The following PRKRIP1 variants were observed in gnomAD, a reference collection of about 807,000 sequenced individuals.
The protein encoded by PRKRIP1 is PRKR-interacting protein 1.
PRKRIP1 carries 29 observed loss-of-function variants against 29.3 expected under a neutral mutation model. That is an observed-to-expected ratio of 0.99 (90% CI 0.74 to 1.35). The LOEUF (loss-of-function observed/expected upper bound fraction) is 1.35, where lower values mean the gene tolerates loss of function less well. Among genes scored for constraint, PRKRIP1 ranks in the 40% most tolerant of loss-of-function variants. The probability of loss-of-function intolerance (pLI) is 0.00; values close to 1 mark genes in which losing one functional copy is unlikely to be tolerated. For missense variants in PRKRIP1, 247 were observed against 236.8 expected, an observed-to-expected ratio of 1.04 and a Z score of -0.28; for synonymous variants, 90 against 85.1, an observed-to-expected ratio of 1.06 and a Z score of -0.32.
At chr7:102,423,905 ATCC>A (rs1225234140) in intron 5 of PRKRIP1, among the ~76,000 whole-genome samples, 14 of 152,080 alleles carry the variant, frequency 9.2e-5, no homozygotes, top group Non-Finnish European at 1.6e-4. Flanking sequence ...CAAGTGATCC[ATCC>A]TCCTCAGCCT....
At chr7:102,404,406 G>A (rs921224944) in intron 3 of PRKRIP1, 192 bp from the exon 4 acceptor site, 1 of 576,042 alleles carries the variant, frequency 1.7e-6, no homozygotes, top group Non-Finnish European at 3.1e-6. Flanking sequence ...TTCGCCATCG[G>A]AGACCTATGT....
intron 5 of PRKRIP1, among the ~76,000 whole-genome samples, chr7:102,411,264 A>G (rs1169140564): frequency 1.3e-5 from 2 of 151,946 alleles, no homozygotes; most frequent in African/African-American, 4.8e-5. Context: ...AGGTTTCACT[A>G]TGTTTTGAAC....
chr7:102,409,713 A>T (rs1218406425), intron 5 of PRKRIP1, among the ~76,000 whole-genome samples: 1 of 151,980 alleles, frequency 6.6e-6, no homozygotes, highest in East Asian at 1.9e-4. Context: ...CGTCCTATCT[A>T]GTCTGGAGGC....
rs1796011254 is a variant in PRKRIP1 at position 102,399,626 on chromosome 7, A to G, written c.284A>G (p.Tyr95Cys). ...CGGAGAGAATATCAGCGACAGGACT[A>G]CATGGATGCCATGGCTGAGAAGGTC... ...LRRREYQRQD[Y>C]MDAMAEKQKL... The change falls in exon 3 of 6, where the codon TAC becomes TGC. Residue 95 changes from tyrosine (Y) to cysteine (C), a missense_variant. Around this residue, in one of 3 missense-constraint regions of PRKRIP1, gnomAD observed 134 missense variants for 126.6 expected, o/e 1.06. Transcript: ENST00000397912. 3.1e-6 allele frequency: 5 copies of G among 1,613,830 alleles called. No homozygotes were observed. The highest frequency in any genetic ancestry group is 4.2e-6 in the Non-Finnish European group (5 of 1,179,858).
intron 4 of PRKRIP1, among the ~76,000 whole-genome samples, chr7:102,406,043 C>G (rs1378054871): frequency 1.3e-5 from 2 of 152,136 alleles, no homozygotes; most frequent in Non-Finnish European, 1.5e-5. Flanking sequence ...GGCAACACAT[C>G]GCAGCCCAAT....
intron 5 of PRKRIP1, among the ~76,000 whole-genome samples, chr7:102,414,149 C>A (rs1286505109): frequency 6.6e-6 from 1 of 152,058 alleles, no homozygotes; most frequent in Non-Finnish European, 1.5e-5. Flanking sequence ...ATCACTTGAA[C>A]CCAGGAGACG....
At chr7:102,403,333 T>G (rs1460581575) in intron 3 of PRKRIP1, among the ~76,000 whole-genome samples, 1 of 152,246 alleles carries the variant, frequency 6.6e-6, no homozygotes, top group Non-Finnish European at 1.5e-5. Flanking sequence ...TGTGCCACTG[T>G]AAGCAGATGC....
intron 5 of PRKRIP1, among the ~76,000 whole-genome samples, chr7:102,419,296 C>T (rs1396616036): frequency 1.3e-5 from 2 of 152,038 alleles, no homozygotes; most frequent in African/African-American, 4.8e-5. Context: ...CACCTGTTAT[C>T]CCAGCTACTC....
intron 5 of PRKRIP1, among the ~76,000 whole-genome samples, chr7:102,422,772 C>T (rs1310489252): frequency 1.3e-5 from 2 of 152,150 alleles, no homozygotes; most frequent in African/African-American, 4.8e-5. Context: ...CCACTGTACT[C>T]AGCCACAAAA....
intron 1 of PRKRIP1, among the ~76,000 whole-genome samples, chr7:102,396,863 T>C (rs1795915053): frequency 6.6e-6 from 1 of 152,148 alleles, no homozygotes; most frequent in African/African-American, 2.4e-5. Context: ...CAAAAGGGTA[T>C]ACTCTAAACA....
rs528353379 is a variant in PRKRIP1, at chr7:102,415,733, G to T, written c.457+8235G>T. ...CCATTTTACTAATGACAGACCTTAG[G>T]CACCATGCGGTGATGGCACCCACAA... On this transcript the variant is annotated intron_variant, in intron 5 of 5. Coordinates refer to ENST00000397912, the MANE Select transcript of PRKRIP1 (RefSeq NM_024653.4). Among the ~76,000 whole-genome samples the T allele has an allele frequency of 2.6e-4, 39 of 152,356 alleles. No individual in the cohort carries two copies. The South Asian group carries it at 7.9e-3, about 31-fold the overall frequency.
At chr7:102,422,612 G>A (rs923054348) in intron 5 of PRKRIP1, among the ~76,000 whole-genome samples, 3 of 152,094 alleles carry the variant, frequency 2.0e-5, no homozygotes, top group African/African-American at 7.2e-5. Context: ...AAAGTGCTAC[G>A]ATTACAGGCG....
rs1057052906 is a variant in PRKRIP1 at position 102,425,574 on chromosome 7, C to T, written c.*463C>T. 7.3e-6 allele frequency: 2 copies of T among 274,024 alleles called. No individual in the cohort carries two copies. The highest frequency in any genetic ancestry group is 1.4e-5 in the Non-Finnish European group (2 of 140,402). The allele number at this position is 274,024 out of a possible 1,614,324, so 17.0% of individuals were successfully genotyped here. A position where few individuals can be genotyped will look rare whatever the true frequency, so the allele number is the denominator to read the frequency against. On this transcript the variant is annotated 3_prime_UTR_variant, in exon 6 of 6. Transcript: ENST00000397912. Reference sequence around the variant, plus strand: ...GTCCCAGGCTCAGTGAGGAGATGGCCTCAGCTGTGGGGCTGGTCCATGTTG... The same window carrying T: ...GTCCCAGGCTCAGTGAGGAGATGGCTTCAGCTGTGGGGCTGGTCCATGTTG...
chr7:102,410,559 A>G (rs1212195764), intron 5 of PRKRIP1, among the ~76,000 whole-genome samples: 1 of 152,112 alleles, frequency 6.6e-6, no homozygotes, highest in South Asian at 2.1e-4. Context: ...CTACTGTGGC[A>G]GGGGGGCTCT....
Position 102,425,190 on chromosome 7 carries a change from C to G in PRKRIP1, c.*79C>G, listed in dbSNP as rs781897257. ...GAAAGGCGGCTGTTTGGCTCTTTCT[C>G]CCCCGCAAGGACCCGCTGACCCGCT... On this transcript the variant is annotated 3_prime_UTR_variant, in exon 6 of 6. Transcript: ENST00000397912. The G allele has an allele frequency of 1.3e-6, 2 of 1,541,564 alleles. No individual in the cohort carries two copies. Among genetic ancestry groups the G allele is most frequent in the African/African-American group, 2.7e-5 (2 of 73,332 alleles).
intron 5 of PRKRIP1, among the ~76,000 whole-genome samples, chr7:102,411,407 T>C (rs1796379808): frequency 6.6e-6 from 1 of 151,850 alleles, no homozygotes; most frequent in South Asian, 2.1e-4. Flanking sequence ...TGTTTTTAAG[T>C]TGGAGTCTTG....
intron 5 of PRKRIP1, chr7:102,423,017 C>T (rs1339315663): frequency 1.9e-5 from 7 of 363,894 alleles, no homozygotes; most frequent in East Asian, 1.5e-4. Flanking sequence ...TTTTCAGCCA[C>T]GGGGAATGCT....
intron 5 of PRKRIP1, among the ~76,000 whole-genome samples, chr7:102,424,115 C>T (rs1796775635): frequency 6.6e-6 from 1 of 152,282 alleles, no homozygotes; most frequent in Non-Finnish European, 1.5e-5. Context: ...CTGGGTATGA[C>T]AGTGAATTTT....
At chr7:102,404,497 C>G in intron 3 of PRKRIP1, 101 bp from the exon 4 acceptor site, 3 of 896,772 alleles carry the variant, frequency 3.3e-6, no homozygotes, top group Non-Finnish European at 5.3e-6. Flanking sequence ...TCCGTCACCC[C>G]CAGTGGTGTG....
Sources: gnomAD v4.1 joint callset for allele counts (sites outside exome capture counted in the v4.1 genomes callset) on GRCh38, gnomAD v4.1.1 for gene constraint, gnomAD v4.1.1 regional missense constraint, MANE v1.5 for transcripts, NCBI Gene and HGNC (gene_info 2026-07-23, HGNC 2026-07-21) for gene names.